Variants in IRS2 observed in about 807,000 individuals in gnomAD.
IRS2 encodes insulin receptor substrate 2.
In IRS2, 28 loss-of-function variants were observed where a neutral mutation model predicts 70.9. The observed-to-expected ratio is 0.39, with a 90% confidence interval of 0.29 to 0.54. The LOEUF is 0.54. Ranked by LOEUF, IRS2 falls within the 20% of genes least tolerant of loss-of-function variation. IRS2 has a pLI of 0.59. For synonymous variants in IRS2, 1,217 were observed against 981.9 expected (o/e 1.24, Z -4.48); for missense variants, 2,081 against 2,024.1 (o/e 1.03, Z -0.54).
chr13:109,770,253 T>G (rs989331841), intron 1 of IRS2, among the ~76,000 whole-genome samples: 1 of 152,172 alleles, frequency 6.6e-6, no homozygotes, highest in Non-Finnish European at 1.5e-5. Flanking sequence ...ATCAATACCC[T>G]TAACGCAGCC....
chr13:109,783,917 T>C lies in IRS2; in HGVS notation c.2137A>G (p.Thr713Ala), dbSNP rs2138934084. The change falls in exon 1 of 2, where the codon ACC (threonine) becomes GCC (alanine). Residue 713 changes from threonine to alanine, a missense_variant. By Grantham distance (58) the Thr-to-Ala change is moderately conservative. Coordinates refer to ENST00000375856, the MANE Select transcript of IRS2 (RefSeq NM_003749.3). ...GGGAATGTCCTGCCCGCCGCAGAGG[T>C]GGGTGCTGGCCCCGCAGGCCCCGCA... ...PSAGPAGPAP[T>A]SAAGRTFPAS... 6.5e-7 allele frequency: 1 copy of C among 1,543,706 alleles called. No homozygotes were observed. The highest frequency in any genetic ancestry group is 2.4e-5 in the East Asian group (1 of 40,822).
At position 109,782,836 on chromosome 13, in the gene IRS2, G is replaced by C. The variant is rs2138930819; in HGVS notation, c.3218C>G (p.Thr1073Ser). The stretch of plus-strand genomic sequence containing the variant: ...GGCGGCCACACCAAAAGCCATCTCG[G>C]TGTAGTCACCATTGTCCCCGGTGTC... Reference protein sequence around the residue: ...SSDTGDNGDYTEMAFGVAATP... With the variant: ...SSDTGDNGDYSEMAFGVAATP... Residue 1073 changes from threonine to serine, a missense_variant, in exon 1 of 2, where the codon ACC (threonine) becomes AGC (serine). Transcript: ENST00000375856. The C allele has an allele frequency of 6.3e-7, 1 of 1,588,032 alleles. No homozygotes were observed. The highest frequency in any genetic ancestry group is 8.6e-7 in the Non-Finnish European group (1 of 1,168,576).
In IRS2 at chr13:109,786,574, A is replaced by G; in HGVS notation, c.-521T>C. 1 of 152,702 alleles carries G rather than the reference A, an allele frequency of 6.5e-6. No homozygotes were observed. Among genetic ancestry groups the G allele is most frequent in the East Asian group, 1.6e-4 (1 of 6,152 alleles). 9.5% of individuals were successfully genotyped at this position (152,702 alleles called of 1,614,324 possible). The stretch of plus-strand genomic sequence containing the variant: ...GGGCTCGTCGCGGTCCCCGCCGCAC[A>G]GTGAGTAACACATCGCGCACCGAGT... On this transcript the variant is annotated 5_prime_UTR_variant, in exon 1 of 2. Coordinates refer to ENST00000375856, the MANE Select transcript of IRS2 (RefSeq NM_003749.3). This position sits in a 1 kb window ranked among gnomAD's most constrained non-coding sequence, Gnocchi z 4.4.
chr13:109,781,756 CA>C (rs1877708209), intron 1 of IRS2, among the ~76,000 whole-genome samples: 1 of 152,144 alleles, frequency 6.6e-6, no homozygotes. Flanking sequence ...TGTTAAGGGA[CA>C]GGGGGCTGTG....
chr13:109,784,629 G>T lies in IRS2; in HGVS notation c.1425C>A (p.His475Gln), dbSNP rs887060491. ...CGCTGGAGGGCCGCTGGCCGGGGCC[G>T]TGGTGCAGCGGATGCGGCAGAGGCG... The part of the protein sequence containing the change: ...PHPPLPHPLH[H>Q]GPGQRPSSGS... The change falls in exon 1 of 2, where the codon CAC (histidine) becomes CAA (glutamine). Residue 475 changes from histidine to glutamine, a missense_variant. Around this residue, in one of 4 missense-constraint regions of IRS2, gnomAD observed 1,615 missense variants for 1,459.5 expected, o/e 1.11. Transcript: ENST00000375856. This position sits in a 1 kb window ranked among gnomAD's most constrained non-coding sequence, Gnocchi z 5.2. 18 of 1,325,296 alleles carry T rather than the reference G, an allele frequency of 1.4e-5. No individual in the cohort carries two copies. The African/African-American group carries it at 2.5e-4, about 18-fold the overall frequency. 82.1% of individuals were successfully genotyped at this position (1,325,296 alleles called of 1,614,324 possible).
Position 109,783,879 on chromosome 13 carries a change from G to T in IRS2, c.2175C>A (p.Gly725=). 2.6e-6 allele frequency: 4 copies of T among 1,549,186 alleles called. No homozygotes were observed. The highest frequency in any genetic ancestry group is 3.5e-6 in the Non-Finnish European group (4 of 1,147,148). Residue 725 remains glycine, a synonymous_variant, in exon 1 of 2, where the codon GGC becomes GGA. Coordinates refer to ENST00000375856, the MANE Select transcript of IRS2 (RefSeq NM_003749.3). ...CGGCGGGCGAGCTGGCCTTGTAGCC[G>T]CCCCCGCTCGCCGGGAATGTCCTGC... is the stretch of plus-strand genomic sequence containing the variant. The part of the protein sequence containing the change: ...AAGRTFPASG[G]GYKASSPAES...
At position 109,782,260 on chromosome 13, in the gene IRS2, G is replaced by A. The variant is rs753744781; in HGVS notation, c.3794C>T (p.Pro1265Leu). ...AIDVREEPGLPPQPQPPPPPL... is the reference protein window; with the variant it reads ...AIDVREEPGLLPQPQPPPPPL... ...CGGCGGCGGCGGCTGCGGCTGGGGT[G>A]GCAGCCCGGGCTCCTCCCTCACGTC... The change falls in exon 1 of 2, where the codon CCA becomes CTA. Residue 1265 changes from proline to leucine, a missense_variant. By Grantham distance (98) the Pro-to-Leu change is moderately conservative. Around this residue, in one of 4 missense-constraint regions of IRS2, gnomAD observed 1,615 missense variants for 1,459.5 expected, o/e 1.11. Coordinates refer to ENST00000375856, the MANE Select transcript of IRS2 (RefSeq NM_003749.3). 3 of 1,607,884 alleles carry A rather than the reference G, an allele frequency of 1.9e-6. No individual in the cohort carries two copies. Among genetic ancestry groups the A allele is most frequent in the Non-Finnish European group, 1.7e-6 (2 of 1,178,052 alleles).
chr13:109,756,624 G>A (rs55836500), intron 1 of IRS2, among the ~76,000 whole-genome samples: 16,664 of 152,122 alleles, frequency 0.11, 3,021 homozygotes, highest in African/African-American at 0.38. Flanking sequence ...AAAAAGAAGG[G>A]CCAGTTCCTA....
chr13:109,782,724 G>A lies in IRS2; in HGVS notation c.3330C>T (p.Leu1110=), dbSNP rs775610239. The A allele has an allele frequency of 1.6e-5, 26 of 1,596,072 alleles. No individual in the cohort carries two copies. Among genetic ancestry groups the A allele is most frequent in the Non-Finnish European group, 2.2e-5 (26 of 1,172,196 alleles). Reference sequence around the variant, plus strand: ...CCTCGACTCCCGACACCTGCTCCATGAGGCTCAGCCTCTTCACGCCCGACG... The same window carrying A: ...CCTCGACTCCCGACACCTGCTCCATAAGGCTCAGCCTCTTCACGCCCGACG... ...SPTSGVKRLS[L]MEQVSGVEAF... The change falls in exon 1 of 2, where the codon CTC becomes CTT. Residue 1110 remains leucine, a synonymous_variant. Transcript: ENST00000375856.
intron 1 of IRS2, among the ~76,000 whole-genome samples, chr13:109,771,931 G>A (rs1344983276): frequency 6.6e-6 from 1 of 152,256 alleles, no homozygotes; most frequent in African/African-American, 2.4e-5. Flanking sequence ...CTTATTGCGT[G>A]GAGTTTCTAA....
At chr13:109,773,636 C>A (rs1328636508) in intron 1 of IRS2, among the ~76,000 whole-genome samples, 2 of 152,160 alleles carry the variant, frequency 1.3e-5, no homozygotes, top group African/African-American at 4.8e-5. Flanking sequence ...TTTGCCAAAT[C>A]TTCTCCCCAC....
chr13:109,767,466 C>T (rs1877360490), intron 1 of IRS2, among the ~76,000 whole-genome samples: 1 of 152,114 alleles, frequency 6.6e-6, no homozygotes, highest in East Asian at 1.9e-4. Context: ...GGAAGTTGGA[C>T]TGTGTGGTGA....
At chr13:109,772,247 G>A (rs777107242) in intron 1 of IRS2, among the ~76,000 whole-genome samples, 4 of 152,116 alleles carry the variant, frequency 2.6e-5, no homozygotes, top group Admixed American at 6.5e-5. Context: ...AGCACGGAGC[G>A]GTGCAGGTAG....
Position 109,785,680 on chromosome 13 carries a change from G to A in IRS2, c.374C>T (p.Ala125Val), listed in dbSNP as rs2138938947. Residue 125 changes from alanine (A) to valine (V), a missense_variant, in exon 1 of 2, where the codon GCC becomes GTC. Ala to Val is a moderately conservative substitution (Grantham distance 64). Around this residue, in one of 4 missense-constraint regions of IRS2, gnomAD observed 320 missense variants for 352.9 expected, o/e 0.91. Transcript: ENST00000375856. The surrounding 1 kb of genome is among the most constrained non-coding windows in gnomAD (Gnocchi z 9.3). ...LYTKDEYFAV[A>V]AENEQEQEGW... ...CTCCTGCTCCTGCTCGTTCTCGGCGGCCACGGCGAAGTACTCGTCCTTGGT... is the reference window on the plus strand; with the variant it reads ...CTCCTGCTCCTGCTCGTTCTCGGCGACCACGGCGAAGTACTCGTCCTTGGT... The A allele has an allele frequency of 1.3e-6, 2 of 1,598,752 alleles. No individual in the cohort carries two copies. Among genetic ancestry groups the A allele is most frequent in the Non-Finnish European group, 8.5e-7 (1 of 1,176,500 alleles).
intron 1 of IRS2, among the ~76,000 whole-genome samples, chr13:109,761,638 C>A (rs908178199): frequency 6.7e-6 from 1 of 149,828 alleles, no homozygotes; most frequent in Non-Finnish European, 1.5e-5. Flanking sequence ...GCCAGAGATT[C>A]TAGGAAAAAC....
rs1178312245 is a variant in IRS2 at position 109,783,950 on chromosome 13, C to T, written c.2104G>A (p.Val702Met). The change falls in exon 1 of 2, where the codon GTG becomes ATG. Residue 702 changes from valine to methionine, a missense_variant. Val to Met is a conservative substitution (Grantham distance 21). Around this residue, in one of 4 missense-constraint regions of IRS2, gnomAD observed 1,615 missense variants for 1,459.5 expected, o/e 1.11. Coordinates refer to ENST00000375856, the MANE Select transcript of IRS2 (RefSeq NM_003749.3). ...PRAAAAAAAAVPSAGPAGPAP... is the reference protein window; with the variant it reads ...PRAAAAAAAAMPSAGPAGPAP... ...GGCCCCGCAGGCCCCGCAGAAGGCA[C>T]GGCGGCGGCGGCGGCGGCGGCGGCC... 3 of 1,461,796 alleles carry T rather than the reference C, an allele frequency of 2.1e-6. No individual in the cohort carries two copies. The highest frequency in any genetic ancestry group is 2.7e-5 in the East Asian group (1 of 37,604). 90.6% of individuals were successfully genotyped at this position (1,461,796 alleles called of 1,614,324 possible). A position where few individuals can be genotyped will look rare whatever the true frequency, so the allele number is the denominator to read the frequency against.
At chr13:109,779,545 G>C (rs1021151074) in intron 1 of IRS2, among the ~76,000 whole-genome samples, 1 of 152,100 alleles carries the variant, frequency 6.6e-6, no homozygotes, top group Non-Finnish European at 1.5e-5. Flanking sequence ...CTGTCTCAAC[G>C]GACCACAACT....
Position 109,784,166 on chromosome 13 carries a change from C to A in IRS2, c.1888G>T (p.Glu630Ter). ...CCGATCTCGATGTCTCCGTAGTCCT[C>A]TGGGTAGGGGTGGTAGGCCACCTTG... The part of the protein sequence containing the change: ...SPKVAYHPYP[E>*]DYGDIEIGSH... The change falls in exon 1 of 2, where the codon GAG (glutamate) becomes TAG (stop). Residue 630 changes from glutamate (E) to a stop codon, truncating the protein, a stop_gained. Coordinates refer to ENST00000375856, the MANE Select transcript of IRS2 (RefSeq NM_003749.3). LOFTEE classifies it high-confidence loss of function. This position sits in a 1 kb window ranked among gnomAD's most constrained non-coding sequence, Gnocchi z 5.2. 1 of 1,587,744 alleles carries A rather than the reference C, an allele frequency of 6.3e-7. No individual in the cohort carries two copies. The highest frequency in any genetic ancestry group is 8.5e-7 in the Non-Finnish European group (1 of 1,171,624).
intron 1 of IRS2, among the ~76,000 whole-genome samples, chr13:109,765,129 G>C (rs1386074867): frequency 6.6e-6 from 1 of 152,132 alleles, no homozygotes; most frequent in Non-Finnish European, 1.5e-5. Flanking sequence ...GGCCACTGGG[G>C]GACAGCACTT....
Sources: allele counts gnomAD v4.1 joint callset (sites outside exome capture counted in the v4.1 genomes callset), GRCh38; gene constraint gnomAD v4.1.1; regional missense constraint gnomAD v4.1.1; non-coding constraint Gnocchi (gnomAD v3.1); transcripts MANE v1.5; gene names NCBI Gene and HGNC (gene_info 2026-07-23, HGNC 2026-07-21).